SHANK2: variants seen among roughly 807,000 people sequenced by gnomAD.
The protein encoded by SHANK2 is SH3 and multiple ankyrin repeat domains protein 2.
Under a neutral mutation model 133.7 loss-of-function variants are expected in SHANK2, and 43 were observed. That is an observed-to-expected ratio of 0.32 (90% confidence interval 0.25 to 0.41). The LOEUF (loss-of-function observed/expected upper bound fraction) is 0.41. Among genes scored for constraint, SHANK2 ranks in the 10% least tolerant of loss-of-function variants. The pLI, the probability that SHANK2 is intolerant of heterozygous loss-of-function variation, is 1.00. For synonymous variants in SHANK2, 1,017 were observed against 952.8 expected (o/e 1.07, Z -1.24); for missense variants, 1,994 against 2,235.8 (o/e 0.89, Z 2.18).
chr11:70,570,151 T>G (rs1232921643), intron 17 of SHANK2, among the ~76,000 whole-genome samples: 1 of 152,222 alleles, frequency 6.6e-6, no homozygotes, highest in Non-Finnish European at 1.5e-5. Context: ...AAGAGGGAAC[T>G]TCTGTGGCTT....
chr11:70,878,404 C>T (rs983035732), intron 11 of SHANK2, among the ~76,000 whole-genome samples: 1 of 152,230 alleles, frequency 6.6e-6, no homozygotes, highest in East Asian at 1.9e-4. Context: ...ACATACAGGG[C>T]ATCATCACAC....
chr11:70,921,380 T>G (rs1188613561), intron 10 of SHANK2, among the ~76,000 whole-genome samples: 2 of 152,234 alleles, frequency 1.3e-5, no homozygotes, highest in African/African-American at 4.8e-5. Context: ...GAATTGGTCC[T>G]TGGGCCAAGA....
chr11:70,906,473 G>T (rs370495302), intron 10 of SHANK2, among the ~76,000 whole-genome samples: 2 of 152,172 alleles, frequency 1.3e-5, no homozygotes, highest in African/African-American at 4.8e-5. Flanking sequence ...GCCAGAACTC[G>T]GAGGAAAGCC....
At chr11:71,057,370 C>T (rs1950933207) in intron 9 of SHANK2, among the ~76,000 whole-genome samples, 1 of 151,822 alleles carries the variant, frequency 6.6e-6, no homozygotes, top group Admixed American at 6.6e-5. Flanking sequence ...AAAACAAAAC[C>T]CCCAATAATA....
At chr11:70,640,885 G>A (rs907211746) in intron 17 of SHANK2, among the ~76,000 whole-genome samples, 5 of 152,152 alleles carry the variant, frequency 3.3e-5, no homozygotes, top group African/African-American at 1.2e-4. Context: ...AGCACCATGA[G>A]TGCAGGCAAT....
At chr11:70,742,914 G>A (rs1555035074) in intron 14 of SHANK2, among the ~76,000 whole-genome samples, 1 of 152,238 alleles carries the variant, frequency 6.6e-6, no homozygotes, top group Admixed American at 6.5e-5. Flanking sequence ...CACCTCTGAC[G>A]CCTTGCACAT....
intron 14 of SHANK2, among the ~76,000 whole-genome samples, chr11:70,779,662 G>C (rs1034290894): frequency 2.0e-5 from 3 of 152,182 alleles, no homozygotes; most frequent in Admixed American, 6.5e-5. Flanking sequence ...ATCCTTGGGA[G>C]GGCATTCCTA....
chr11:70,889,746 G>T (rs531574), intron 11 of SHANK2, among the ~76,000 whole-genome samples: 134,041 of 151,928 alleles, frequency 0.88, 60,700 homozygotes, highest in Non-Finnish European at 0.98. Context: ...GTAGGAGAGG[G>T]TTAGGGCAGG....
intron 17 of SHANK2, among the ~76,000 whole-genome samples, chr11:70,530,830 T>C (rs74420759): frequency 6.6e-6 from 1 of 152,204 alleles, no homozygotes; most frequent in Non-Finnish European, 1.5e-5. Context: ...GTGGTGACGA[T>C]TGCACAACAA....
chr11:70,699,602 T>A (rs1430572910), intron 14 of SHANK2, among the ~76,000 whole-genome samples: 4 of 152,212 alleles, frequency 2.6e-5, no homozygotes, highest in Admixed American at 6.5e-5. Flanking sequence ...GTTAGCCTCC[T>A]CCATCCCAAA....
chr11:70,941,301 C>CACACTTAG (rs1950643661), intron 10 of SHANK2, among the ~76,000 whole-genome samples: 1 of 152,198 alleles, frequency 6.6e-6, no homozygotes, highest in Non-Finnish European at 1.5e-5. Context: ...TGGAGGCTGA[C>CACACTTAG]ACACTTAGAC....
intron 2 of SHANK2, among the ~76,000 whole-genome samples, chr11:71,162,950 G>A (rs1460491538): frequency 6.6e-6 from 1 of 151,198 alleles, no homozygotes; most frequent in East Asian, 1.9e-4. Context: ...GCGGACGCCT[G>A]TAGTCCCAGC....
At chr11:70,588,833 T>G (rs2060285746) in intron 17 of SHANK2, among the ~76,000 whole-genome samples, 1 of 152,208 alleles carries the variant, frequency 6.6e-6, no homozygotes, top group Non-Finnish European at 1.5e-5. Context: ...TCCTTCTTTT[T>G]TTGAGATGGA....
At chr11:70,620,641 C>A (rs1382759419) in intron 17 of SHANK2, among the ~76,000 whole-genome samples, 1 of 152,126 alleles carries the variant, frequency 6.6e-6, no homozygotes, top group South Asian at 2.1e-4. Context: ...CTGTATCCCC[C>A]CAAGTTCCTA....
chr11:70,495,595 A>G (rs935295537), intron 21 of SHANK2, among the ~76,000 whole-genome samples: 56 of 152,310 alleles, frequency 3.7e-4, no homozygotes, highest in African/African-American at 1.3e-3. Flanking sequence ...GTTATGTCCC[A>G]TAGCTGTGGT....
chr11:70,633,398 T>C (rs2061027136), intron 17 of SHANK2: 1 of 151,882 alleles, frequency 6.6e-6, no homozygotes, highest in South Asian at 2.1e-4. Context: ...AGACCCTACT[T>C]CATCCCTCAA....
intron 14 of SHANK2, among the ~76,000 whole-genome samples, chr11:70,741,646 C>G (rs534602998): frequency 6.6e-6 from 1 of 152,196 alleles, no homozygotes; most frequent in Non-Finnish European, 1.5e-5. Flanking sequence ...TGCCAGGTTT[C>G]CAGTCTCCTC....
intron 17 of SHANK2, among the ~76,000 whole-genome samples, chr11:70,637,436 A>G (rs1591685401): frequency 6.6e-6 from 1 of 151,068 alleles, no homozygotes; most frequent in South Asian, 2.1e-4. Flanking sequence ...CTGGGTGTTT[A>G]CTCCCCTCCT....
chr11:70,918,403 A>C (rs929812452), intron 10 of SHANK2, among the ~76,000 whole-genome samples: 2 of 152,242 alleles, frequency 1.3e-5, no homozygotes, highest in Non-Finnish European at 2.9e-5. Flanking sequence ...ACCCACTTGT[A>C]GTTTCATCAT....
Sources: allele counts gnomAD v4.1 joint callset (sites outside exome capture counted in the v4.1 genomes callset), GRCh38; gene constraint gnomAD v4.1.1; transcripts MANE v1.5; gene names NCBI Gene and HGNC (gene_info 2026-07-23, HGNC 2026-07-21).